Variants in NUMA1 observed in about 807,000 individuals in gnomAD.
NUMA1 encodes the protein SP-H antigen.
NUMA1 carries 62 observed loss-of-function variants against 237.1 expected under a neutral mutation model. The ratio of observed to expected loss-of-function variants is 0.26; its 90% CI spans 0.21 to 0.32. The LOEUF is 0.32. Ranked by LOEUF, NUMA1 falls within the 10% of genes least tolerant of loss-of-function variation. NUMA1 has a pLI of 1.00. For synonymous variants in NUMA1, 1,028 were observed against 1,066.1 expected, an observed-to-expected ratio of 0.96 and a Z score of 0.70; for missense variants, 2,533 against 2,666.5, an observed-to-expected ratio of 0.95 and a Z score of 1.10.
chr11:72,038,048 T>TA (rs1201975963), intron 2 of NUMA1, among the ~76,000 whole-genome samples: 16 of 151,748 alleles, frequency 1.1e-4, no homozygotes, highest in African/African-American at 1.9e-4. Context: ...GGGGTTTCTT[T>TA]AAAAAAAAGG....
At chr11:72,022,955 A>AAT in intron 6 of NUMA1, 110 bp downstream of exon 6, 2 of 752,802 alleles carry the variant, frequency 2.7e-6, no homozygotes, top group Non-Finnish European at 4.6e-6. Flanking sequence ...GAGCCCCAGA[A>AAT]ATAAAGCACC....
At position 72,013,192 on chromosome 11, in the gene NUMA1, C is replaced by T; in HGVS notation, c.4311G>A (p.Leu1437=). 2 of 1,612,578 alleles carry T rather than the reference C, an allele frequency of 1.2e-6. No individual in the cohort carries two copies. The highest frequency in any genetic ancestry group is 4.5e-5 in the East Asian group (2 of 44,880). Residue 1437 remains leucine, a synonymous_variant, in exon 15 of 27, where the codon CTG becomes CTA. Transcript: ENST00000393695. The surrounding 1 kb of genome is among the most constrained non-coding windows in gnomAD (Gnocchi z 6.8). Reference sequence around the variant, plus strand: ...GGCCATGCGCCTTCTTCAGCATGCTCAGCTGCTCTGCATAGCTGGCCTTCT... The same window carrying T: ...GGCCATGCGCCTTCTTCAGCATGCTTAGCTGCTCTGCATAGCTGGCCTTCT... The part of the protein sequence containing the change: ...RAEKASYAEQ[L]SMLKKAHGLL...
intron 2 of NUMA1, among the ~76,000 whole-genome samples, chr11:72,055,242 G>A (rs1473074012): frequency 1.3e-5 from 2 of 152,018 alleles, no homozygotes; most frequent in Admixed American, 1.3e-4. Context: ...CATTTACAAG[G>A]TATTTCCTGT....
At chr11:72,011,837 C>A (rs1347146575) in intron 16 of NUMA1, among the ~76,000 whole-genome samples, 1 of 152,126 alleles carries the variant, frequency 6.6e-6, no homozygotes, top group Non-Finnish European at 1.5e-5. Context: ...GCTCCTTCAC[C>A]CTCGGTCTTC....
chr11:72,063,608 C>CA (rs71052848), intron 2 of NUMA1, among the ~76,000 whole-genome samples: 1,545 of 61,020 alleles, frequency 0.025, 29 homozygotes, highest in East Asian at 0.086. Context: ...TACCAAAACT[C>CA]AAAAAAAAAA....
At chr11:72,025,232 T>G (rs1189801637) in intron 4 of NUMA1, among the ~76,000 whole-genome samples, 1 of 152,058 alleles carries the variant, frequency 6.6e-6, no homozygotes, top group Admixed American at 6.5e-5. Context: ...TGTACTTGCT[T>G]AACTGGAAGA....
intron 2 of NUMA1, among the ~76,000 whole-genome samples, chr11:72,048,631 C>T (rs1252616536): frequency 6.6e-6 from 1 of 152,136 alleles, no homozygotes; most frequent in African/African-American, 2.4e-5. Context: ...CCTGGGCCTC[C>T]CAAAGTGCTG....
At chr11:72,048,340 C>A (rs1339949726) in intron 2 of NUMA1, among the ~76,000 whole-genome samples, 1 of 151,142 alleles carries the variant, frequency 6.6e-6, no homozygotes, top group Non-Finnish European at 1.5e-5. Flanking sequence ...CTCAGCAAAT[C>A]AAAGAAGCCG....
chr11:72,063,523 A>G (rs1264486225), intron 2 of NUMA1, among the ~76,000 whole-genome samples: 1 of 151,434 alleles, frequency 6.6e-6, no homozygotes, highest in Admixed American at 6.6e-5. Flanking sequence ...TCAGCCTCCC[A>G]AAGTGCTGGT....
In NUMA1 at chr11:72,007,296, G is replaced by C; in HGVS notation, c.5356C>G (p.Leu1786Val). Residue 1786 changes from leucine to valine, a missense_variant, in exon 21 of 27, where the codon CTG becomes GTG. Leu to Val is a conservative substitution (Grantham distance 32). Around this residue, in one of 3 missense-constraint regions of NUMA1, gnomAD observed 795 missense variants for 750.8 expected, o/e 1.06. Coordinates refer to ENST00000393695, the MANE Select transcript of NUMA1 (RefSeq NM_006185.4). ...CCCAGGGAGTCCAGGCTGCTCTCCA[G>C]GGGGGCCTGACTCCGAGCAGGGATG... is the stretch of plus-strand genomic sequence containing the variant. Reference protein sequence around the residue: ...TPIPARSQAPLESSLDSLGDV... With the variant: ...TPIPARSQAPVESSLDSLGDV... 3.1e-6 allele frequency: 5 copies of C among 1,612,942 alleles called. No homozygotes were observed. Among genetic ancestry groups the C allele is most frequent in the Non-Finnish European group, 3.4e-6 (4 of 1,179,592 alleles).
chr11:72,056,635 TAAAAAAAAAAAAA>T (rs59248999), intron 2 of NUMA1, among the ~76,000 whole-genome samples: 1 of 76,010 alleles, frequency 1.3e-5, no homozygotes. Context: ...CCCATCTCTT[TAAAAAAAAAAAAA>T]AAAAAAAAAA....
chr11:72,056,953 AATG>A (rs1647036182), intron 2 of NUMA1, among the ~76,000 whole-genome samples: 2 of 152,002 alleles, frequency 1.3e-5, no homozygotes, highest in Admixed American at 1.3e-4. Flanking sequence ...CATCATCATC[AATG>A]ATGAGATATC....
chr11:72,019,785 G>A (rs1459248662), intron 8 of NUMA1, among the ~76,000 whole-genome samples, 168 bp from the exon 9 acceptor site: 1 of 152,170 alleles, frequency 6.6e-6, no homozygotes, highest in Admixed American at 6.5e-5. Context: ...CTGGTGCCTG[G>A]GTTATCCAGA....
rs1955388625 is a variant in NUMA1 at position 72,003,330 on chromosome 11, C to G, written c.*197G>C. 1 of 618,898 alleles carries G rather than the reference C, an allele frequency of 1.6e-6. No homozygotes were observed. Among genetic ancestry groups the G allele is most frequent in the Non-Finnish European group, 2.9e-6 (1 of 341,020 alleles). 38.3% of individuals were successfully genotyped at this position (618,898 alleles called of 1,614,324 possible). ...CGCCCACACTGTCCATGCTCCAGGC[C>G]CCCTGGGCCAGCTCCGAGAAGGCGC... On this transcript the variant is annotated 3_prime_UTR_variant, in exon 27 of 27. Transcript: ENST00000393695.
intron 17 of NUMA1, 99 bp from the exon 18 acceptor site, chr11:72,009,486 T>C (rs1288956943): frequency 6.9e-6 from 10 of 1,445,824 alleles, no homozygotes; most frequent in Non-Finnish European, 8.3e-6. Flanking sequence ...TTCAGACTCC[T>C]GCACTTTCTT....
At chr11:72,021,023 G>T (rs1171286330) in intron 8 of NUMA1, 181 bp downstream of exon 8, 2 of 602,526 alleles carry the variant, frequency 3.3e-6, no homozygotes, top group Non-Finnish European at 6.0e-6. Context: ...AGCTCCATAG[G>T]AACTGAGATG....
chr11:72,055,829 A>AC, intron 2 of NUMA1, among the ~76,000 whole-genome samples: 1 of 151,882 alleles, frequency 6.6e-6, no homozygotes, highest in East Asian at 1.9e-4. Context: ...AAAAAAAAAA[A>AC]ATTCAGCTGG....
At chr11:72,035,772 T>G in intron 3 of NUMA1, 130 bp downstream of exon 3, 13 of 844,336 alleles carry the variant, frequency 1.5e-5, no homozygotes, top group Non-Finnish European at 2.6e-5. Flanking sequence ...TTCCATGCTG[T>G]CTAAAGGAAA....
intron 10 of NUMA1, 66 bp downstream of exon 10, chr11:72,018,757 T>C: frequency 1.3e-6 from 2 of 1,550,746 alleles, no homozygotes; most frequent in South Asian, 1.2e-5. Context: ...GGGGACAACA[T>C]GGGAGGCCAG....
Sources: allele counts gnomAD v4.1 joint callset (sites outside exome capture counted in the v4.1 genomes callset), GRCh38; gene constraint gnomAD v4.1.1; regional missense constraint gnomAD v4.1.1; non-coding constraint Gnocchi (gnomAD v3.1); transcripts MANE v1.5; gene names NCBI Gene and HGNC (gene_info 2026-07-23, HGNC 2026-07-21).